LRP1B: variants seen among roughly 807,000 people sequenced by gnomAD.
LRP1B encodes the protein low-density lipoprotein receptor-related protein 1B.
Under a neutral mutation model 556.6 loss-of-function variants are expected in LRP1B, and 217 were observed. The ratio of observed to expected loss-of-function variants is 0.39; its 90% CI spans 0.35 to 0.44. The LOEUF (loss-of-function observed/expected upper bound fraction) is 0.44, where lower values mean the gene tolerates loss of function less well. Ranked by LOEUF, LRP1B falls within the 20% of genes least tolerant of loss-of-function variation. The probability of loss-of-function intolerance (pLI) is 1.00; values close to 1 mark genes in which losing one functional copy is unlikely to be tolerated. For missense variants in LRP1B, 5,053 were observed against 5,620.8 expected (o/e 0.90, Z 3.23); for synonymous variants, 2,047 against 1,865.8 (o/e 1.10, Z -2.50).
chr2:140,732,382 G>GA (rs1559083180), intron 35 of LRP1B, among the ~76,000 whole-genome samples: 1 of 151,832 alleles, frequency 6.6e-6, no homozygotes, highest in Non-Finnish European at 1.5e-5. Context: ...TGCAGGAAAT[G>GA]AAAAAACTCC....
intron 7 of LRP1B, 35 bp from the exon 8 acceptor site, chr2:141,062,308 T>C (rs768901539): frequency 3.3e-5 from 49 of 1,472,910 alleles, no homozygotes; most frequent in Non-Finnish European, 4.3e-5. Flanking sequence ...AAGTGGAGGG[T>C]GGGGGAGGGA....
rs143871429 is a variant in LRP1B at position 141,224,149 on chromosome 2, GAC to G, written c.850+5032_850+5033del. ...AATCTACAAGGAACTTAAACAAATT[GAC>G]ACACACACACACACAAACATTAAAA... On this transcript the variant is annotated intron_variant, in intron 6 of 90. Coordinates refer to ENST00000389484, the MANE Select transcript of LRP1B (RefSeq NM_018557.3). 3.6e-5 allele frequency among the ~76,000 whole-genome samples: 5 copies of G among 137,748 alleles called. No homozygotes were observed. The East Asian group carries it at 7.9e-4, about 22-fold the overall frequency. The allele number at this position is 137,748 out of a possible 152,430, so 90.4% of individuals were successfully genotyped here. A position where few individuals can be genotyped will look rare whatever the true frequency, so the allele number is the denominator to read the frequency against.
intron 77 of LRP1B, among the ~76,000 whole-genome samples, chr2:140,348,712 ATAAAGT>A (rs1681809490): frequency 6.6e-6 from 1 of 152,258 alleles, no homozygotes; most frequent in East Asian, 1.9e-4. Context: ...TAACACATTA[ATAAAGT>A]TAAAGATAAA....
intron 1 of LRP1B, among the ~76,000 whole-genome samples, chr2:141,972,587 C>CA (rs58540950): frequency 1.0e-3 from 150 of 144,018 alleles, no homozygotes; most frequent in East Asian, 4.8e-3. Flanking sequence ...AATGCAGGTG[C>CA]AAAAAAAAAA....
intron 3 of LRP1B, among the ~76,000 whole-genome samples, chr2:141,303,072 A>G (rs1380983253): frequency 6.6e-6 from 1 of 152,128 alleles, no homozygotes; most frequent in East Asian, 1.9e-4. Flanking sequence ...TATTCAATTT[A>G]ATACCCATAT....
intron 1 of LRP1B, among the ~76,000 whole-genome samples, chr2:141,954,787 C>G (rs558981854): frequency 3.3e-5 from 5 of 152,022 alleles, no homozygotes; most frequent in Non-Finnish European, 4.4e-5. Context: ...AAGTTTTGAG[C>G]CTCTGAGTCT....
intron 7 of LRP1B, among the ~76,000 whole-genome samples, chr2:141,096,618 C>CGGGGAGAG (rs1404655776): frequency 1.4e-5 from 1 of 71,676 alleles, no homozygotes; most frequent in African/African-American, 5.9e-5. Flanking sequence ...ATGACAAAGA[C>CGGGGAGAG]GGGGAGAGGG....
chr2:141,481,893 A>G (rs1361284449), intron 2 of LRP1B, among the ~76,000 whole-genome samples: 1 of 152,162 alleles, frequency 6.6e-6, no homozygotes, highest in Non-Finnish European at 1.5e-5. Context: ...TATCATAGTT[A>G]AGTAAAAAAT....
chr2:141,082,202 T>A (rs1341101531), intron 7 of LRP1B, among the ~76,000 whole-genome samples: 3 of 152,166 alleles, frequency 2.0e-5, no homozygotes, highest in Non-Finnish European at 2.9e-5. Flanking sequence ...GCAAAGATAC[T>A]AAGCTTTTAC....
chr2:140,242,131 A>G (rs774271624), intron 87 of LRP1B, among the ~76,000 whole-genome samples: 11 of 151,080 alleles, frequency 7.3e-5, no homozygotes, highest in Non-Finnish European at 1.0e-4. Context: ...CTCTATTCAA[A>G]TCTGTTTTAC....
intron 31 of LRP1B, among the ~76,000 whole-genome samples, chr2:140,829,164 GAC>G (rs1490429701): frequency 6.6e-6 from 1 of 151,886 alleles, no homozygotes; most frequent in Non-Finnish European, 1.5e-5. Context: ...GAGAGAGAGA[GAC>G]TGTAACACAA....
At chr2:141,704,818 C>G (rs892247395) in intron 2 of LRP1B, among the ~76,000 whole-genome samples, 1 of 151,906 alleles carries the variant, frequency 6.6e-6, no homozygotes, top group Non-Finnish European at 1.5e-5. Flanking sequence ...GACTATATCT[C>G]TATTTCAGGC....
chr2:141,845,373 T>C (rs1697611212), intron 1 of LRP1B, among the ~76,000 whole-genome samples: 1 of 151,988 alleles, frequency 6.6e-6, no homozygotes, highest in South Asian at 2.1e-4. Flanking sequence ...AAAAAAATGC[T>C]GGTTTTTGGA....
chr2:141,096,637 A>AGG, intron 7 of LRP1B, among the ~76,000 whole-genome samples: 2 of 67,066 alleles, frequency 3.0e-5, no homozygotes, highest in African/African-American at 1.1e-4. Flanking sequence ...GGGGAGAGAG[A>AGG]GAGAGAGAGA....
chr2:140,938,783 C>T (rs1695306898), intron 20 of LRP1B, among the ~76,000 whole-genome samples: 1 of 151,394 alleles, frequency 6.6e-6, no homozygotes, highest in South Asian at 2.1e-4. Flanking sequence ...CCTTTTCTTC[C>T]CCTATATTAT....
chr2:141,100,461 G>A (rs1700433286), intron 7 of LRP1B, among the ~76,000 whole-genome samples: 1 of 152,128 alleles, frequency 6.6e-6, no homozygotes, highest in African/African-American at 2.4e-5. Flanking sequence ...ATCATAAAGA[G>A]GGCTAGAAAG....
intron 2 of LRP1B, among the ~76,000 whole-genome samples, chr2:141,568,787 C>T (rs1360149017): frequency 6.6e-6 from 1 of 150,890 alleles, no homozygotes; most frequent in African/African-American, 2.4e-5. Context: ...GGAGTCTTGC[C>T]CTGTCACCCA....
intron 3 of LRP1B, among the ~76,000 whole-genome samples, chr2:141,355,090 A>G (rs903344849): frequency 6.6e-6 from 1 of 152,034 alleles, no homozygotes; most frequent in Non-Finnish European, 1.5e-5. Context: ...AAGAATTTTT[A>G]TTTCATATTT....
Position 141,883,428 on chromosome 2 carries a change from C to T in LRP1B, c.83-73027G>A, listed in dbSNP as rs114202178. Among the ~76,000 whole-genome samples the T allele has an allele frequency of 3.8e-3, 581 of 152,172 alleles. 4 individuals are homozygous for T. The highest frequency in any genetic ancestry group is 0.013 in the African/African-American group (559 of 41,532). On this transcript the variant is annotated intron_variant, in intron 1 of 90. Coordinates refer to ENST00000389484, the MANE Select transcript of LRP1B (RefSeq NM_018557.3). ...TGGTAGAGTTGAAGACACTATTAGGCAATGATTCAAAATTACCTTTTAAAA... is the reference window on the plus strand; with the variant it reads ...TGGTAGAGTTGAAGACACTATTAGGTAATGATTCAAAATTACCTTTTAAAA...
Sources: allele counts gnomAD v4.1 joint callset (sites outside exome capture counted in the v4.1 genomes callset), GRCh38; gene constraint gnomAD v4.1.1; transcripts MANE v1.5; gene names NCBI Gene and HGNC (gene_info 2026-07-23, HGNC 2026-07-21).